Variants in FXYD3 observed in about 807,000 individuals in gnomAD.
The protein encoded by FXYD3 is FXYD domain containing ion transport regulator 3.
A neutral mutation model predicts 19.2 loss-of-function variants in FXYD3; 13 were observed. The ratio of observed to expected loss-of-function variants is 0.68; its 90% CI spans 0.44 to 1.08. FXYD3 has a LOEUF of 1.08. FXYD3 is among the 50% of genes least tolerant of loss of function. The pLI, the probability that FXYD3 is intolerant of heterozygous loss-of-function variation, is 0.00. For missense variants in FXYD3, 101 were observed against 109.4 expected (o/e 0.92, Z 0.34); for synonymous variants, 48 against 38.9 (o/e 1.23, Z -0.87).
chr19:35,119,249 C>A (rs755478996), intron 2 of FXYD3, 114 bp from the exon 3 acceptor site: 1 of 1,612,108 alleles, frequency 6.2e-7, no homozygotes, highest in Non-Finnish European at 8.5e-7. Flanking sequence ...CTTCCTGTCC[C>A]GGGTGAGCTG....
At position 35,122,867 on chromosome 19, in the gene FXYD3, C is replaced by T. The variant is rs374480336; in HGVS notation, c.172+28C>T. 4.8e-5 allele frequency: 77 copies of T among 1,613,698 alleles called. 1 individual carries two copies. In the South Asian group the frequency reaches 6.6e-4, roughly 14 times the overall value. On this transcript the variant is annotated intron_variant, in intron 6 of 8. Transcript: ENST00000604404. Reference sequence around the variant, plus strand: ...GAGTGGAGGAGCTCGGGGGAGCAGGCGGGCCGGGGCTGGGGCTCCCCTCCC... The same window carrying T: ...GAGTGGAGGAGCTCGGGGGAGCAGGTGGGCCGGGGCTGGGGCTCCCCTCCC...
rs751302827 is a variant in FXYD3, at chr19:35,121,203, C to T, written c.74-19C>T. On this transcript the variant is annotated intron_variant, in intron 4 of 8. Coordinates refer to ENST00000604404, the MANE Select transcript of FXYD3 (RefSeq NM_005971.4). ...CTGGCTGTAATCCTGGATTCATGATCTTTTTTCTTTCCTTGCAGATAAAAA... is the reference window on the plus strand; with the variant it reads ...CTGGCTGTAATCCTGGATTCATGATTTTTTTTCTTTCCTTGCAGATAAAAA... 2 of 1,614,108 alleles carry T rather than the reference C, an allele frequency of 1.2e-6. No individual in the cohort carries two copies. The highest frequency in any genetic ancestry group is 1.7e-6 in the Non-Finnish European group (2 of 1,179,954).
intron 3 of FXYD3, 148 bp from the exon 4 acceptor site, chr19:35,120,930 A>C (rs1470590438): frequency 1.4e-6 from 1 of 738,126 alleles, no homozygotes; most frequent in African/African-American, 1.8e-5. Flanking sequence ...TCGTTGGGAT[A>C]TGAGGGGATG....
chr19:35,123,411 C>T (rs558431476), intron 8 of FXYD3, 30 bp from the exon 9 acceptor site: 6 of 1,614,018 alleles, frequency 3.7e-6, no homozygotes, highest in African/African-American at 1.3e-5. Context: ...TCAATCCACC[C>T]TCACAAACGG....
chr19:35,123,098 C>G lies in FXYD3; in HGVS notation c.209+144C>G, dbSNP rs911244271. 4.1e-6 allele frequency: 6 copies of G among 1,458,790 alleles called. No individual in the cohort carries two copies. In the African/African-American group the frequency reaches 7.1e-5, roughly 17 times the overall value. 90.4% of individuals were successfully genotyped at this position (1,458,790 alleles called of 1,614,324 possible). A position where few individuals can be genotyped will look rare whatever the true frequency, so the allele number is the denominator to read the frequency against. On this transcript the variant is annotated intron_variant, in intron 7 of 8. Transcript: ENST00000604404. Reference sequence around the variant, plus strand: ...AGATTTCCAGGTTTATTGTTTCTAGCTGGTAATCCCCAGGGGGCCCCAAAT... The same window carrying G: ...AGATTTCCAGGTTTATTGTTTCTAGGTGGTAATCCCCAGGGGGCCCCAAAT...
At position 35,123,768 on chromosome 19, in the gene FXYD3, GA is replaced by G; in HGVS notation, c.*315del. ...GGCTGGCACTGAGCCTGCTTGTTGG[GA>G]AAAGCCCACAGGCCTGTTCCCTTGT... On this transcript the variant is annotated 3_prime_UTR_variant, in exon 9 of 9. Coordinates refer to ENST00000604404, the MANE Select transcript of FXYD3 (RefSeq NM_005971.4). 2.0e-6 allele frequency: 1 copy of G among 488,670 alleles called. No homozygotes were observed. Among genetic ancestry groups the G allele is most frequent in the Non-Finnish European group, 3.7e-6 (1 of 270,178 alleles). The allele number at this position is 488,670 out of a possible 1,614,324, so 30.3% of individuals were successfully genotyped here.
chr19:35,121,275 C>T (rs1356515233), intron 5 of FXYD3, 30 bp downstream of exon 5: 3 of 1,614,036 alleles, frequency 1.9e-6, no homozygotes, highest in Non-Finnish European at 2.5e-6. Flanking sequence ...TTCCCCTCCC[C>T]ACAACCCCAC....
At chr19:35,121,651 C>A in intron 5 of FXYD3, 1 of 652,142 alleles carries the variant, frequency 1.5e-6, no homozygotes. Flanking sequence ...CTCATTCCTT[C>A]TGCTCCAAGC....
At chr19:35,117,247 T>C (rs916296420) in intron 2 of FXYD3, 7 of 1,481,708 alleles carry the variant, frequency 4.7e-6, no homozygotes, top group Admixed American at 2.8e-5. Context: ...GACTGGACGT[T>C]GTTTTGCAGA....
At position 35,119,249 on chromosome 19, in the gene FXYD3, C is replaced by T. The variant is rs755478996; in HGVS notation, c.-14-114C>T. On this transcript the variant is annotated intron_variant, in intron 2 of 8. Transcript: ENST00000604404. ...CAGCGAGATGCCAGCCTTCCTGTCCCGGGTGAGCTGCGCACCCTGCCTGGG... is the reference window on the plus strand; with the variant it reads ...CAGCGAGATGCCAGCCTTCCTGTCCTGGGTGAGCTGCGCACCCTGCCTGGG... 1.1e-5 allele frequency: 17 copies of T among 1,611,990 alleles called. No homozygotes were observed. Among genetic ancestry groups the T allele is most frequent in the South Asian group, 6.6e-5 (6 of 90,862 alleles).
chr19:35,119,349 C>T lies in FXYD3; in HGVS notation c.-14-14C>T, dbSNP rs370586631. 42 of 1,613,804 alleles carry T rather than the reference C, an allele frequency of 2.6e-5. No individual in the cohort carries two copies. Among genetic ancestry groups the T allele is most frequent in the African/African-American group, 1.1e-4 (8 of 74,918 alleles). On this transcript the variant is annotated splice_polypyrimidine_tract_variant and intron_variant, in intron 2 of 8. Coordinates refer to ENST00000604404, the MANE Select transcript of FXYD3 (RefSeq NM_005971.4). ...GTGGCTCTGCTAAGGCCAGACCTCC[C>T]GCCACCCCTCTAGGCCAGCGCTCTG...
At chr19:35,117,194 G>C (rs965583611) in intron 2 of FXYD3, 1 of 1,413,518 alleles carries the variant, frequency 7.1e-7, no homozygotes, top group African/African-American at 1.5e-5. Context: ...GGAACGTGAG[G>C]GCAGACCCAG....
At chr19:35,119,094 G>T (rs2064971695) in intron 2 of FXYD3, 1 of 1,084,464 alleles carries the variant, frequency 9.2e-7, no homozygotes, top group South Asian at 1.3e-5. Flanking sequence ...TGGCGCCCTT[G>T]TTTGGTTGCG....
intron 8 of FXYD3, 61 bp from the exon 9 acceptor site, chr19:35,123,380 G>T: frequency 6.2e-7 from 1 of 1,612,928 alleles, no homozygotes; most frequent in Non-Finnish European, 8.5e-7. Context: ...GTGTGTGTTT[G>T]CACACTGGAA....
chr19:35,118,758 G>A (rs1470358746), intron 2 of FXYD3, among the ~76,000 whole-genome samples: 2 of 152,074 alleles, frequency 1.3e-5, no homozygotes, highest in Admixed American at 1.3e-4. Flanking sequence ...CCCAGTCCCA[G>A]CCTCACGTCA....
At position 35,122,856 on chromosome 19, in the gene FXYD3, G is replaced by C. The variant is rs150332087; in HGVS notation, c.172+17G>C. 12 of 1,613,698 alleles carry C rather than the reference G, an allele frequency of 7.4e-6. No individual in the cohort carries two copies. The highest frequency in any genetic ancestry group is 9.3e-6 in the Non-Finnish European group (11 of 1,179,894). On this transcript the variant is annotated intron_variant, in intron 6 of 8. Transcript: ENST00000604404. ...TCGTCATGAGTGAGTGGAGGAGCTC[G>C]GGGGAGCAGGCGGGCCGGGGCTGGG...
intron 5 of FXYD3, 118 bp downstream of exon 5, chr19:35,121,363 T>C (rs775153029): frequency 1.2e-6 from 2 of 1,611,384 alleles, no homozygotes; most frequent in East Asian, 4.5e-5. Flanking sequence ...ACGAAGGGAC[T>C]AGGATGGGGT....
At chr19:35,122,414 CA>C (rs1021870916) in intron 5 of FXYD3, among the ~76,000 whole-genome samples, 1 of 152,234 alleles carries the variant, frequency 6.6e-6, no homozygotes, top group Non-Finnish European at 1.5e-5. Context: ...CTTGGCCTCC[CA>C]AAGTGCTGGG....
chr19:35,123,114 G>A (rs2065085104), intron 7 of FXYD3, 157 bp from the exon 8 acceptor site: 1 of 1,462,948 alleles, frequency 6.8e-7, no homozygotes, highest in Admixed American at 2.8e-5. Flanking sequence ...ATCCCCAGGG[G>A]GCCCCAAATC....
Sources: allele counts gnomAD v4.1 joint callset (sites outside exome capture counted in the v4.1 genomes callset), GRCh38; gene constraint gnomAD v4.1.1; transcripts MANE v1.5; gene names NCBI Gene and HGNC (gene_info 2026-07-23, HGNC 2026-07-21).